The following BMAL2 variants were observed in gnomAD, a reference collection of about 807,000 sequenced individuals.
BMAL2 encodes basic helix-loop-helix ARNT-like protein 2.
the BMAL2 span, among the ~76,000 whole-genome samples, chr12:27,372,029 A>T: frequency 1.3e-5 from 2 of 152,158 alleles, no homozygotes; most frequent in African/African-American, 4.8e-5. Context: ...AGGAGTTTGC[A>T]ACCAGCCTGG....
chr12:27,368,436 C>T, the BMAL2 span: 1 of 1,609,386 alleles, frequency 6.2e-7, no homozygotes. Flanking sequence ...GTCCTCTAAC[C>T]CAGTGAGATC....
At chr12:27,338,435 A>G in the BMAL2 span, among the ~76,000 whole-genome samples, 1 of 151,936 alleles carries the variant, frequency 6.6e-6, no homozygotes. Context: ...GGTTAATTTT[A>G]GTATCGATGG....
the BMAL2 span, among the ~76,000 whole-genome samples, chr12:27,336,096 C>CT: frequency 2.0e-5 from 3 of 152,272 alleles, no homozygotes; most frequent in Middle Eastern, 0.01. Flanking sequence ...TTTCAGTTGT[C>CT]TCATTTAATT....
At chr12:27,350,179 C>G in the BMAL2 span, among the ~76,000 whole-genome samples, 6 of 152,234 alleles carry the variant, frequency 3.9e-5, no homozygotes, top group African/African-American at 1.4e-4. Flanking sequence ...TTTGTAGACT[C>G]TTTGATGCCA....
At chr12:27,422,029 A>C in the BMAL2 span, 1 of 152,240 alleles carries the variant, frequency 6.6e-6, no homozygotes, top group Non-Finnish European at 1.5e-5. Flanking sequence ...CCAATTTTCT[A>C]GTTATAATTT....
chr12:27,372,571 C>T, the BMAL2 span, among the ~76,000 whole-genome samples: 1 of 152,236 alleles, frequency 6.6e-6, no homozygotes, highest in East Asian at 1.9e-4. Flanking sequence ...TTTTGAGGAA[C>T]TGCTATACTG....
At chr12:27,335,974 C>G in the BMAL2 span, among the ~76,000 whole-genome samples, 1 of 152,192 alleles carries the variant, frequency 6.6e-6, no homozygotes, top group Non-Finnish European at 1.5e-5. Flanking sequence ...TTCTAAAAAG[C>G]ATGATGTTCT....
chr12:27,400,251 G>T, the BMAL2 span, among the ~76,000 whole-genome samples: 2 of 152,100 alleles, frequency 1.3e-5, no homozygotes, highest in African/African-American at 4.8e-5. Flanking sequence ...TTGGAAATAT[G>T]TTAAGTCATA....
the BMAL2 span, among the ~76,000 whole-genome samples, chr12:27,383,305 G>T: frequency 6.6e-6 from 1 of 152,192 alleles, no homozygotes; most frequent in Non-Finnish European, 1.5e-5. Flanking sequence ...TCAAATGGTG[G>T]GGATGGGGTC....
the BMAL2 span, chr12:27,332,906 CCGTGCGCGCCTACGG>C: frequency 2.4e-5 from 7 of 291,160 alleles, no homozygotes; most frequent in Non-Finnish European, 3.9e-5. Flanking sequence ...GGGCGGCGTC[CCGTGCGCGCCTACGG>C]GCTGCGGTGG....
chr12:27,380,167 A>C, the BMAL2 span: 1 of 1,413,000 alleles, frequency 7.1e-7, no homozygotes, highest in Non-Finnish European at 9.8e-7. Flanking sequence ...TGGGCTCAGC[A>C]TCTGCTCCAG....
the BMAL2 span, chr12:27,422,554 A>AAG: frequency 6.6e-6 from 1 of 152,206 alleles, no homozygotes; most frequent in Admixed American, 6.5e-5. Context: ...GTGTCCCAGC[A>AAG]ATGTTGGAGG....
chr12:27,395,571 C>T, the BMAL2 span, among the ~76,000 whole-genome samples: 1 of 151,758 alleles, frequency 6.6e-6, no homozygotes, highest in African/African-American at 2.4e-5. Flanking sequence ...GAAAAAAAAA[C>T]AACCAAGCAG....
the BMAL2 span, among the ~76,000 whole-genome samples, chr12:27,336,808 C>T: frequency 4.6e-5 from 7 of 152,006 alleles, no homozygotes; most frequent in East Asian, 1.4e-3. Context: ...AAAAATTAGT[C>T]CGGCGTTGGT....
chr12:27,409,930 C>T, the BMAL2 span, among the ~76,000 whole-genome samples: 1 of 152,020 alleles, frequency 6.6e-6, no homozygotes, highest in Non-Finnish European at 1.5e-5. Flanking sequence ...AAAAAGTGGG[C>T]AAAGGATATG....
At chr12:27,392,824 G>C in the BMAL2 span, among the ~76,000 whole-genome samples, 1 of 152,096 alleles carries the variant, frequency 6.6e-6, no homozygotes, top group African/African-American at 2.4e-5. Context: ...TTTCCTCCTG[G>C]GAGATTTCCC....
chr12:27,420,019 GCACACACACA>G, the BMAL2 span, among the ~76,000 whole-genome samples: 1 of 147,478 alleles, frequency 6.8e-6, no homozygotes, highest in Non-Finnish European at 1.5e-5. Context: ...GTTTGCGCGT[GCACACACACA>G]CACACACACA....
chr12:27,377,064 A>G, the BMAL2 span, among the ~76,000 whole-genome samples: 1 of 150,146 alleles, frequency 6.7e-6, no homozygotes, highest in Non-Finnish European at 1.5e-5. Context: ...TTATTTCAAC[A>G]TATTTTTTCA....
chr12:27,339,562 A>G, the BMAL2 span, among the ~76,000 whole-genome samples: 1 of 151,142 alleles, frequency 6.6e-6, no homozygotes, highest in Admixed American at 6.6e-5. Flanking sequence ...ACTAATTTAC[A>G]CTCCCACCAA....
Sources: allele counts gnomAD v4.1 joint callset (sites outside exome capture counted in the v4.1 genomes callset), GRCh38; gene constraint gnomAD v4.1.1; transcripts MANE v1.5; gene names NCBI Gene and HGNC (gene_info 2026-07-23, HGNC 2026-07-21).